The following ABI2 variants were observed in gnomAD, a reference collection of about 807,000 sequenced individuals.
ABI2 encodes the protein abl interactor 2.
Under a neutral mutation model 59.2 loss-of-function variants are expected in ABI2, and 25 were observed. The observed-to-expected ratio is 0.42, with a 90% CI of 0.31 to 0.59. ABI2 has a LOEUF of 0.59. ABI2 is among the 20% of genes least tolerant of loss of function. ABI2 has a pLI of 0.14. For synonymous variants in ABI2, 213 were observed against 235.5 expected, an observed-to-expected ratio of 0.90 and a Z score of 0.87; for missense variants, 545 against 681.8, an observed-to-expected ratio of 0.80 and a Z score of 2.23.
chr2:203,408,834 T>TTTTTTTTTCTTTC, intron 9 of ABI2, among the ~76,000 whole-genome samples: 1 of 38,894 alleles, frequency 2.6e-5, no homozygotes, highest in African/African-American at 6.2e-5. Context: ...TTCTCCTTTC[T>TTTTTTTTTCTTTC]TTTTTTTTTT....
chr2:203,402,800 A>T (rs970519373), intron 9 of ABI2, 66 bp downstream of exon 9: 6 of 1,366,470 alleles, frequency 4.4e-6, no homozygotes, highest in African/African-American at 3.0e-5. Context: ...ACTACAAAAA[A>T]CCCTTAATTA....
intron 3 of ABI2, among the ~76,000 whole-genome samples, chr2:203,380,997 T>G (rs563791246): frequency 2.8e-4 from 42 of 152,302 alleles, no homozygotes; most frequent in African/African-American, 9.4e-4. Flanking sequence ...ATTCAGAGCT[T>G]TAGCTGAGTA....
intron 2 of ABI2, among the ~76,000 whole-genome samples, chr2:203,378,909 T>TA (rs2095903274): frequency 6.6e-6 from 1 of 152,272 alleles, no homozygotes; most frequent in Non-Finnish European, 1.5e-5. Flanking sequence ...ATATATATAA[T>TA]AAACAGACTT....
intron 1 of ABI2, among the ~76,000 whole-genome samples, chr2:203,340,712 G>T (rs1442458670): frequency 1.3e-5 from 2 of 151,908 alleles, no homozygotes; most frequent in African/African-American, 4.8e-5. Context: ...AGATAATCAA[G>T]AAATGATTAT....
chr2:203,411,150 A>T, intron 9 of ABI2, 135 bp from the exon 10 acceptor site: 1 of 745,720 alleles, frequency 1.3e-6, no homozygotes, highest in Non-Finnish European at 2.4e-6. Context: ...TCAACAGGGG[A>T]TCCTTGAGAT....
At chr2:203,350,111 C>T (rs1305871297) in intron 1 of ABI2, among the ~76,000 whole-genome samples, 4 of 152,184 alleles carry the variant, frequency 2.6e-5, no homozygotes, top group East Asian at 1.9e-4. Context: ...CAGAATCTCA[C>T]TGTCACCTAG....
intron 2 of ABI2, chr2:203,374,918 A>T: frequency 2.2e-6 from 1 of 445,998 alleles, no homozygotes; most frequent in South Asian, 1.6e-5. Flanking sequence ...ATGCATGGAT[A>T]ATCCTAAAAC....
intron 1 of ABI2, among the ~76,000 whole-genome samples, chr2:203,329,460 G>C (rs1448600797): frequency 6.7e-6 from 1 of 149,966 alleles, no homozygotes; most frequent in Non-Finnish European, 1.5e-5. Context: ...AGCTGCTCCT[G>C]GATGAAGCAA....
chr2:203,376,082 TC>T, intron 2 of ABI2: 1 of 1,535,074 alleles, frequency 6.5e-7, no homozygotes, highest in South Asian at 1.2e-5. Context: ...TGATCTTGAG[TC>T]GACTTTTGTG....
intron 5 of ABI2, among the ~76,000 whole-genome samples, chr2:203,391,538 G>A (rs1335043703): frequency 1.3e-5 from 2 of 152,128 alleles, no homozygotes; most frequent in African/African-American, 2.4e-5. Context: ...TTCAGGCCAG[G>A]TGTGTTGGCT....
intron 1 of ABI2, among the ~76,000 whole-genome samples, chr2:203,345,559 C>T (rs746360988): frequency 8.6e-5 from 13 of 152,028 alleles, no homozygotes; most frequent in African/African-American, 2.4e-4. Flanking sequence ...AACAGGTGCC[C>T]GCCACCATGC....
chr2:203,377,404 TTTCATTTCTGAA>T lies in ABI2; in HGVS notation c.286-2802_286-2791del, dbSNP rs369399914. Among the ~76,000 whole-genome samples the T allele has an allele frequency of 7.1e-3, 1,078 of 152,300 alleles. 9 individuals are homozygous for T. The highest frequency in any genetic ancestry group is 0.025 in the African/African-American group (1,035 of 41,554). On this transcript the variant is annotated intron_variant, in intron 2 of 11. Coordinates refer to ENST00000261018, the MANE Select transcript of ABI2 (RefSeq NM_001375670.1). ...GCTGCTCAGGTTTACACTCTTATAG[TTTCATTTCTGAA>T]TAAGTTAAGTACATTTCTAAAAACT...
chr2:203,424,030 G>C (rs1245278318), intron 11 of ABI2, among the ~76,000 whole-genome samples: 1 of 152,110 alleles, frequency 6.6e-6, no homozygotes, highest in Non-Finnish European at 1.5e-5. Context: ...AGCATTTTAA[G>C]TTTTTTCTTA....
At chr2:203,387,056 CTT>C (rs35497226) in intron 4 of ABI2, among the ~76,000 whole-genome samples, 85 of 116,510 alleles carry the variant, frequency 7.3e-4, no homozygotes, top group Middle Eastern at 5.7e-3. Context: ...GGCTCCCTTC[CTT>C]TTTTTTTTTT....
intron 1 of ABI2, among the ~76,000 whole-genome samples, chr2:203,339,437 G>A (rs996897298): frequency 6.6e-6 from 1 of 151,778 alleles, no homozygotes; most frequent in African/African-American, 2.4e-5. Flanking sequence ...AAAATTAGCT[G>A]GGTGTGGTTG....
intron 3 of ABI2, among the ~76,000 whole-genome samples, chr2:203,381,079 AT>A (rs2153218850): frequency 6.6e-6 from 1 of 152,348 alleles, no homozygotes; most frequent in East Asian, 1.9e-4. Flanking sequence ...ATACATGCTT[AT>A]AATGATACTG....
intron 3 of ABI2, among the ~76,000 whole-genome samples, chr2:203,381,024 C>T (rs1426731765): frequency 1.3e-5 from 2 of 152,050 alleles, no homozygotes; most frequent in African/African-American, 4.8e-5. Flanking sequence ...TATGTCTGAT[C>T]AGTAGTTTGA....
intron 10 of ABI2, among the ~76,000 whole-genome samples, chr2:203,412,161 A>G (rs1278096037): frequency 6.6e-6 from 1 of 152,200 alleles, no homozygotes; most frequent in Non-Finnish European, 1.5e-5. Flanking sequence ...GGATGACTTC[A>G]CTGGTGGGGT....
chr2:203,380,498 A>C, intron 3 of ABI2, 114 bp downstream of exon 3: 2 of 658,150 alleles, frequency 3.0e-6, no homozygotes, highest in Non-Finnish European at 4.6e-6. Context: ...GTCTTGGCCC[A>C]GTTGTGGTTG....
Sources: gnomAD v4.1 joint callset for allele counts (sites outside exome capture counted in the v4.1 genomes callset) on GRCh38, gnomAD v4.1.1 for gene constraint, MANE v1.5 for transcripts, NCBI Gene and HGNC (gene_info 2026-07-23, HGNC 2026-07-21) for gene names.